The following ADD3 variants were observed in gnomAD, a reference collection of about 807,000 sequenced individuals.
ADD3 encodes adducin 3.
In ADD3, 25 loss-of-function variants were observed where a neutral mutation model predicts 80.2. That is an observed-to-expected ratio of 0.31 (90% CI 0.23 to 0.44). ADD3 has a LOEUF of 0.44. Ranked by LOEUF, ADD3 falls within the 20% of genes least tolerant of loss-of-function variation. The pLI, the probability that ADD3 is intolerant of heterozygous loss-of-function variation, is 1.00. For missense variants in ADD3, 829 were observed against 847.5 expected (o/e 0.98, Z 0.27); for synonymous variants, 284 against 289.6 (o/e 0.98, Z 0.20).
intron 1 of ADD3, among the ~76,000 whole-genome samples, chr10:109,998,200 G>A (rs1020594394): frequency 3.3e-5 from 5 of 152,116 alleles, no homozygotes; most frequent in Non-Finnish European, 4.4e-5. Context: ...AGAAGGGCTC[G>A]CTTTTATCTG....
intron 1 of ADD3, among the ~76,000 whole-genome samples, chr10:110,090,334 T>A (rs1847340360): frequency 6.6e-6 from 1 of 151,444 alleles, no homozygotes; most frequent in South Asian, 2.1e-4. Context: ...ATTCTCATGC[T>A]TTGGCCTCCC....
chr10:110,001,556 A>C (rs1185467491), upstream of ADD3, among the ~76,000 whole-genome samples: 6 of 152,174 alleles, frequency 3.9e-5, no homozygotes, highest in Non-Finnish European at 8.8e-5. Context: ...CATTTCACTC[A>C]TGTCTGAGAT....
chr10:110,093,786 G>A (rs565046321), intron 1 of ADD3, among the ~76,000 whole-genome samples: 8 of 152,186 alleles, frequency 5.3e-5, no homozygotes, highest in Middle Eastern at 3.4e-3. Context: ...GTTTTGCTAA[G>A]TACTGATGGC....
At chr10:110,083,674 C>A (rs561607062) in intron 1 of ADD3, among the ~76,000 whole-genome samples, 102 of 152,206 alleles carry the variant, frequency 6.7e-4, no homozygotes, top group Non-Finnish European at 9.9e-4. Flanking sequence ...TTAGAAGCCC[C>A]AGGCTGATAG....
Position 110,117,366 on chromosome 10 carries a change from C to A in ADD3, c.511C>A (p.His171Asn). 1 of 1,603,812 alleles carries A rather than the reference C, an allele frequency of 6.2e-7. No individual in the cohort carries two copies. The highest frequency in any genetic ancestry group is 1.1e-5 in the South Asian group (1 of 90,710). The change falls in exon 5 of 15, where the codon CAC (histidine) becomes AAC (asparagine). Residue 171 changes from histidine (H) to asparagine (N), a missense_variant. By Grantham distance (68) the His-to-Asn change is moderately conservative. Coordinates refer to ENST00000356080, the MANE Select transcript of ADD3 (RefSeq NM_016824.5). Reference protein sequence around the residue: ...ISVRISKEQDHIIIIPRGLSF... With the variant: ...ISVRISKEQDNIIIIPRGLSF... ...GGTAAGAATAAGTAAGGAGCAAGACCACATTATAATAATTCCCAGAGGCCT... is the reference window on the plus strand; with the variant it reads ...GGTAAGAATAAGTAAGGAGCAAGACAACATTATAATAATTCCCAGAGGCCT...
At chr10:110,096,173 A>G (rs775751141) in intron 1 of ADD3, among the ~76,000 whole-genome samples, 46 of 152,040 alleles carry the variant, frequency 3.0e-4, no homozygotes, top group Non-Finnish European at 7.4e-5. Context: ...TTGGAAAAAA[A>G]CAATACTCAG....
intron 1 of ADD3, among the ~76,000 whole-genome samples, chr10:110,071,430 C>T (rs1844697949): frequency 6.6e-6 from 1 of 152,066 alleles, no homozygotes; most frequent in Admixed American, 6.5e-5. Context: ...AAAGTTATAC[C>T]TCAAAGATTT....
intron 8 of ADD3, among the ~76,000 whole-genome samples, chr10:110,121,525 A>G (rs1851498490): frequency 6.6e-6 from 1 of 152,170 alleles, no homozygotes; most frequent in African/African-American, 2.4e-5. Flanking sequence ...TCATGAAGCA[A>G]ATGGTAATAA....
chr10:110,003,943 G>A (rs1033930670), upstream of ADD3, among the ~76,000 whole-genome samples: 10 of 152,222 alleles, frequency 6.6e-5, no homozygotes, highest in Admixed American at 3.3e-4. Context: ...GGATATGTTG[G>A]GAGCAATTCA....
chr10:110,033,775 C>G (rs1185966185), intron 1 of ADD3, among the ~76,000 whole-genome samples: 1 of 152,152 alleles, frequency 6.6e-6, no homozygotes, highest in African/African-American at 2.4e-5. Context: ...TTGTGCTATA[C>G]TCAGCTGCCT....
At chr10:110,055,629 A>C (rs1858090785) in intron 1 of ADD3, among the ~76,000 whole-genome samples, 1 of 152,230 alleles carries the variant, frequency 6.6e-6, no homozygotes, top group Admixed American at 6.5e-5. Context: ...ATTGTCTAAG[A>C]ACAAAGAGGC....
At chr10:110,132,624 G>A in intron 14 of ADD3, 1 of 474,222 alleles carries the variant, frequency 2.1e-6, no homozygotes, top group South Asian at 2.6e-5. Flanking sequence ...GCAACCCGCA[G>A]TTCTTAAGAA....
At chr10:110,004,541 C>T (rs973870739), upstream of ADD3, among the ~76,000 whole-genome samples, 3 of 151,680 alleles carry the variant, frequency 2.0e-5, no homozygotes, top group African/African-American at 7.3e-5. Flanking sequence ...GATCTCTTGA[C>T]CTCGTGACCT....
At chr10:110,038,338 C>T (rs1855908315) in intron 1 of ADD3, among the ~76,000 whole-genome samples, 2 of 152,134 alleles carry the variant, frequency 1.3e-5, no homozygotes. Flanking sequence ...TGCCCTGCAT[C>T]TTGGATCTTT....
chr10:109,996,870 T>C (rs1851390386), intron 1 of ADD3, among the ~76,000 whole-genome samples: 2 of 152,240 alleles, frequency 1.3e-5, no homozygotes, highest in African/African-American at 2.4e-5. Context: ...TCGGCCTCAA[T>C]GAATTGTGCT....
intron 1 of ADD3, among the ~76,000 whole-genome samples, chr10:110,061,281 A>C (rs763101140): frequency 1.3e-5 from 2 of 152,198 alleles, no homozygotes; most frequent in Admixed American, 6.5e-5. Context: ...TGTAGTAGAG[A>C]GGGACTTATG....
chr10:110,105,492 C>G (rs1849306660), intron 2 of ADD3, among the ~76,000 whole-genome samples: 1 of 152,166 alleles, frequency 6.6e-6, no homozygotes, highest in Admixed American at 6.6e-5. Context: ...AAACATTAAA[C>G]ATTTGAATAT....
chr10:110,124,416 C>T, intron 10 of ADD3, 142 bp downstream of exon 10: 1 of 977,838 alleles, frequency 1.0e-6, no homozygotes, highest in South Asian at 1.8e-5. Context: ...TAACTTTGTG[C>T]AAGACACTCT....
At chr10:110,035,039 T>C (rs944674125) in intron 1 of ADD3, among the ~76,000 whole-genome samples, 2 of 152,232 alleles carry the variant, frequency 1.3e-5, no homozygotes, top group African/African-American at 4.8e-5. Context: ...TCAGTTGCAT[T>C]TGGAAGACCA....
Sources: allele counts gnomAD v4.1 joint callset (sites outside exome capture counted in the v4.1 genomes callset), GRCh38; gene constraint gnomAD v4.1.1; transcripts MANE v1.5; gene names NCBI Gene and HGNC (gene_info 2026-07-23, HGNC 2026-07-21).